SUN3: variants seen among roughly 807,000 people sequenced by gnomAD.
SUN3 encodes SUN domain-containing protein 3.
In SUN3, 36 loss-of-function variants were observed where a neutral mutation model predicts 48.2. The observed-to-expected ratio is 0.75, with a 90% CI of 0.57 to 0.99. The LOEUF is 0.99. Among genes scored for constraint, SUN3 ranks in the 50% least tolerant of loss-of-function variants. The pLI is 0.00. For missense variants in SUN3, 419 were observed against 433.1 expected, an observed-to-expected ratio of 0.97 and a Z score of 0.29; for synonymous variants, 148 against 147.9, an observed-to-expected ratio of 1.00 and a Z score of 0.00.
intron 6 of SUN3, among the ~76,000 whole-genome samples, chr7:48,002,450 G>C (rs536841527): frequency 1.6e-5 from 2 of 126,802 alleles, no homozygotes; most frequent in Non-Finnish European, 2.9e-5. Context: ...GAGCCACCGC[G>C]CCCGGCCTTG....
intron 6 of SUN3, among the ~76,000 whole-genome samples, chr7:47,996,458 C>T (rs1266945989): frequency 1.3e-5 from 2 of 152,176 alleles, no homozygotes; most frequent in Non-Finnish European, 2.9e-5. Flanking sequence ...GTATATAGAT[C>T]TTTATATTTT....
intron 1 of SUN3, 75 bp downstream of exon 1, chr7:48,028,742 T>G (rs1371941412): frequency 6.4e-7 from 1 of 1,565,954 alleles, no homozygotes. Flanking sequence ...AGGTAACAGA[T>G]GAACAGACAC....
chr7:48,016,009 G>C (rs1789802216), intron 3 of SUN3, among the ~76,000 whole-genome samples: 1 of 152,098 alleles, frequency 6.6e-6, no homozygotes, highest in Admixed American at 6.6e-5. Context: ...GCAGACCCTG[G>C]CTCCAAGAGT....
At chr7:48,005,798 C>A (rs1018436945) in intron 6 of SUN3, among the ~76,000 whole-genome samples, 171 bp downstream of exon 6, 12 of 151,462 alleles carry the variant, frequency 7.9e-5, no homozygotes, top group Non-Finnish European at 1.0e-4. Flanking sequence ...ACTCAGCAAT[C>A]AGTAGTGACA....
At chr7:47,993,944 A>T (rs1171474899) in intron 8 of SUN3, among the ~76,000 whole-genome samples, 1 of 151,864 alleles carries the variant, frequency 6.6e-6, no homozygotes, top group Non-Finnish European at 1.5e-5. Flanking sequence ...TCAAAACTGA[A>T]AAATCAGGAA....
chr7:47,994,783 G>A (rs975538952), intron 7 of SUN3, among the ~76,000 whole-genome samples: 7 of 126,336 alleles, frequency 5.5e-5, no homozygotes, highest in Admixed American at 3.9e-4. Flanking sequence ...TGAGGATGAT[G>A]ATGGTGACCA....
chr7:48,025,745 G>T, intron 2 of SUN3, 132 bp downstream of exon 2: 1 of 483,630 alleles, frequency 2.1e-6, no homozygotes, highest in South Asian at 5.2e-5. Context: ...AAAGCTTTGA[G>T]AATGTGCAGG....
chr7:47,992,977 C>G (rs943177092), intron 8 of SUN3, among the ~76,000 whole-genome samples: 5 of 151,844 alleles, frequency 3.3e-5, no homozygotes, highest in African/African-American at 1.2e-4. Flanking sequence ...ATAATAAGAC[C>G]CTTATCTCTA....
chr7:48,030,348 T>C (rs1583789731), upstream of SUN3, among the ~76,000 whole-genome samples: 1 of 152,220 alleles, frequency 6.6e-6, no homozygotes, highest in Non-Finnish European at 1.5e-5. Flanking sequence ...ACAGCAAATA[T>C]GGCCTTTCCA....
At chr7:48,016,912 C>T (rs1316146422) in intron 3 of SUN3, among the ~76,000 whole-genome samples, 2 of 152,172 alleles carry the variant, frequency 1.3e-5, no homozygotes, top group African/African-American at 2.4e-5. Context: ...GGCACAGGAA[C>T]ATGTGAGACA....
chr7:47,998,487 T>C (rs1459208387), intron 6 of SUN3, among the ~76,000 whole-genome samples: 1 of 152,202 alleles, frequency 6.6e-6, no homozygotes, highest in East Asian at 1.9e-4. Context: ...TTCCAAATAT[T>C]CTCCCCTAGC....
intron 1 of SUN3, among the ~76,000 whole-genome samples, 179 bp from the exon 2 acceptor site, chr7:48,026,117 G>A (rs1318269446): frequency 3.3e-5 from 5 of 152,066 alleles, no homozygotes; most frequent in Non-Finnish European, 7.4e-5. Context: ...AGAGAAGATC[G>A]TTTTAGTGAT....
chr7:47,996,437 C>A (rs939123215), intron 6 of SUN3, among the ~76,000 whole-genome samples: 1 of 152,120 alleles, frequency 6.6e-6, no homozygotes, highest in African/African-American at 2.4e-5. Context: ...GATTCTGTAT[C>A]ACCTAAAAAC....
At chr7:47,991,126 A>C (rs1789048498) in intron 8 of SUN3, 6 of 437,142 alleles carry the variant, frequency 1.4e-5, no homozygotes, top group South Asian at 9.9e-5. Flanking sequence ...CATGCTGCCC[A>C]GGCTGGCCTC....
At chr7:48,002,151 CTTTTTTT>C (rs71006541) in intron 6 of SUN3, among the ~76,000 whole-genome samples, 223 of 64,152 alleles carry the variant, frequency 3.5e-3, no homozygotes, top group Admixed American at 6.9e-3. Context: ...TTGCATTTCT[CTTTTTTT>C]TTTTTTTTTT....
intron 3 of SUN3, among the ~76,000 whole-genome samples, chr7:48,015,765 A>G (rs1792705615): frequency 6.6e-6 from 1 of 152,170 alleles, no homozygotes; most frequent in African/African-American, 2.4e-5. Flanking sequence ...TATGACGGTG[A>G]AAGAGACAAG....
chr7:48,000,804 T>C (rs977606815), intron 6 of SUN3, among the ~76,000 whole-genome samples: 1 of 151,988 alleles, frequency 6.6e-6, no homozygotes, highest in Non-Finnish European at 1.5e-5. Context: ...TGTGTCTGGA[T>C]GTCATTTTCC....
intron 3 of SUN3, among the ~76,000 whole-genome samples, chr7:48,010,045 C>T (rs751305423): frequency 1.3e-5 from 2 of 152,046 alleles, no homozygotes; most frequent in African/African-American, 2.4e-5. Context: ...TGGGAGCCTC[C>T]AAAGCCCTGC....
intron 3 of SUN3, among the ~76,000 whole-genome samples, chr7:48,016,268 C>T (rs1168679344): frequency 6.6e-6 from 1 of 152,150 alleles, no homozygotes; most frequent in African/African-American, 2.4e-5. Context: ...CCCTACCTGC[C>T]AAACTATCTT....
Sources: gnomAD v4.1 joint callset for allele counts (sites outside exome capture counted in the v4.1 genomes callset) on GRCh38, gnomAD v4.1.1 for gene constraint, MANE v1.5 for transcripts, NCBI Gene and HGNC (gene_info 2026-07-23, HGNC 2026-07-21) for gene names.